Variants in GSAP observed in about 807,000 individuals in gnomAD.
GSAP encodes gamma-secretase-activating protein.
Under a neutral mutation model 131.7 loss-of-function variants are expected in GSAP, and 118 were observed. The ratio of observed to expected loss-of-function variants is 0.90; its 90% CI spans 0.77 to 1.04. GSAP has a LOEUF of 1.04. GSAP is among the 50% of genes least tolerant of loss of function. GSAP has a pLI of 0.00. For synonymous variants in GSAP, 381 were observed against 363.4 expected, an observed-to-expected ratio of 1.05 and a Z score of -0.55; for missense variants, 1,019 against 1,013.2, an observed-to-expected ratio of 1.01 and a Z score of -0.08.
At chr7:77,322,462 T>C (rs73703327) in intron 24 of GSAP, among the ~76,000 whole-genome samples, 15,414 of 152,138 alleles carry the variant, frequency 0.1, 871 homozygotes, top group African/African-American at 0.15. Context: ...ACTTATGTTA[T>C]TAACAATGGA....
chr7:77,375,771 G>C (rs999068709), intron 10 of GSAP, among the ~76,000 whole-genome samples: 6 of 151,558 alleles, frequency 4.0e-5, no homozygotes, highest in African/African-American at 1.5e-4. Context: ...TTGAATCCAG[G>C]AGGCAGAGGT....
intron 5 of GSAP, among the ~76,000 whole-genome samples, chr7:77,391,509 G>A (rs1799535301): frequency 6.6e-6 from 1 of 152,080 alleles, no homozygotes; most frequent in Non-Finnish European, 1.5e-5. Flanking sequence ...GCTTTCCTAG[G>A]CCTCAATGCC....
At chr7:77,336,457 G>T (rs570948165) in intron 19 of GSAP, among the ~76,000 whole-genome samples, 4 of 151,948 alleles carry the variant, frequency 2.6e-5, no homozygotes, top group Non-Finnish European at 5.9e-5. Context: ...GAAACAACAG[G>T]AATGATATCA....
chr7:77,409,969 G>A (rs1396171626), intron 1 of GSAP, among the ~76,000 whole-genome samples: 6 of 152,136 alleles, frequency 3.9e-5, no homozygotes, highest in African/African-American at 1.4e-4. Flanking sequence ...GCCATACCCA[G>A]GATATTCTGA....
In GSAP at chr7:77,416,200, G is replaced by A. The variant is rs878915052; in HGVS notation, c.109+13C>T. ...CCCCGCCCCCACCCCTCTCCGCAGCGCGCCTCCCGCACCTGCGCCGCCGCT... is the reference window on the plus strand; with the variant it reads ...CCCCGCCCCCACCCCTCTCCGCAGCACGCCTCCCGCACCTGCGCCGCCGCT... On this transcript the variant is annotated intron_variant, in intron 1 of 30. Coordinates refer to ENST00000257626, the MANE Select transcript of GSAP (RefSeq NM_017439.4). 7 of 1,077,482 alleles carry A rather than the reference G, an allele frequency of 6.5e-6. No individual in the cohort carries two copies. Among genetic ancestry groups the A allele is most frequent in the African/African-American group, 3.4e-5 (2 of 57,990 alleles). 66.7% of individuals were successfully genotyped at this position (1,077,482 alleles called of 1,614,324 possible).
At chr7:77,402,539 G>A (rs192948910) in intron 3 of GSAP, among the ~76,000 whole-genome samples, 5 of 131,744 alleles carry the variant, frequency 3.8e-5, no homozygotes, top group Admixed American at 1.8e-4. Flanking sequence ...AGGTTGCAGT[G>A]AGCTGAGATG....
At chr7:77,404,765 G>T in intron 2 of GSAP, 150 bp from the exon 3 acceptor site, 1 of 621,278 alleles carries the variant, frequency 1.6e-6, no homozygotes, top group Non-Finnish European at 2.9e-6. Context: ...ACTGAATCCA[G>T]TTCAGCTAGT....
At chr7:77,328,689 T>C in intron 21 of GSAP, 52 bp from the exon 22 acceptor site, 1 of 1,087,594 alleles carries the variant, frequency 9.2e-7, no homozygotes, top group Non-Finnish European at 1.4e-6. Context: ...TTTAAAAAAT[T>C]TAAAGCCACA....
chr7:77,368,669 AG>A (rs1795676582), intron 12 of GSAP, among the ~76,000 whole-genome samples: 1 of 152,228 alleles, frequency 6.6e-6, no homozygotes. Flanking sequence ...TGGCTTACTA[AG>A]TCTATTGCCT....
At position 77,311,093 on chromosome 7, in the gene GSAP, T is replaced by C. The variant is rs1748145156; in HGVS notation, c.*265A>G. 1 of 339,012 alleles carries C rather than the reference T, an allele frequency of 2.9e-6. No individual in the cohort carries two copies. The highest frequency in any genetic ancestry group is 2.1e-5 in the African/African-American group (1 of 48,072). 21.0% of individuals were successfully genotyped at this position (339,012 alleles called of 1,614,324 possible). A position where few individuals can be genotyped will look rare whatever the true frequency, so the allele number is the denominator to read the frequency against. On this transcript the variant is annotated 3_prime_UTR_variant, in exon 31 of 31. Transcript: ENST00000257626. ...ACTAGCTTGTGGCCTATTAAGCTAC[T>C]AGGAAGAGCATCGTTTATGCCACTG...
chr7:77,405,969 T>G (rs1802193793), intron 2 of GSAP, 60 bp downstream of exon 2: 1 of 623,364 alleles, frequency 1.6e-6, no homozygotes, highest in Admixed American at 4.9e-5. Flanking sequence ...AAAGAGAATA[T>G]AAATGATTAA....
At chr7:77,357,417 G>C (rs1793914686) in intron 14 of GSAP, among the ~76,000 whole-genome samples, 2 of 152,236 alleles carry the variant, frequency 1.3e-5, no homozygotes, top group South Asian at 4.2e-4. Flanking sequence ...GACACAGGTA[G>C]GCACAAAAGT....
chr7:77,400,495 G>A lies in GSAP; in HGVS notation c.244-3080C>T, dbSNP rs370454623. ...TCCCACCTCTGTCTAGCCATAACAA[G>A]ACACTTCTCTCCACTGGGGTGTCCA... On this transcript the variant is annotated intron_variant, in intron 3 of 30. Transcript: ENST00000257626. Among the ~76,000 whole-genome samples the A allele has an allele frequency of 3.9e-3, 598 of 152,264 alleles. 6 individuals carry two copies. The highest frequency in any genetic ancestry group is 7.4e-3 in the African/African-American group (306 of 41,538).
chr7:77,311,417 C>G lies in GSAP; in HGVS notation c.2506G>C (p.Asp836His). 6.2e-7 allele frequency: 1 copy of G among 1,611,818 alleles called. No individual in the cohort carries two copies. The highest frequency in any genetic ancestry group is 8.5e-7 in the Non-Finnish European group (1 of 1,178,082). ...LYPFEGHDNV[D>H]AEFVEEAALK... is the part of the protein sequence containing the mutation. ...GCTGCTTCCTCTACAAATTCTGCAT[C>G]CACATTGTCATGTCCTTCAAAAGGA... Residue 836 changes from aspartate (D) to histidine (H), a missense_variant, in exon 31 of 31, where the codon GAT (aspartate) becomes CAT (histidine). Physicochemically the swap from Asp to His is moderately conservative, Grantham distance 81. Transcript: ENST00000257626.
In GSAP at chr7:77,311,919, T is replaced by C; in HGVS notation, c.2395A>G (p.Lys799Glu). 1.3e-6 allele frequency: 2 copies of C among 1,597,426 alleles called. No homozygotes were observed. The highest frequency in any genetic ancestry group is 1.3e-5 in the African/African-American group (1 of 74,698). ...AGAAATTCTACACTGAACGATGACT[T>C]GTTAATCATAGAATTCCGAGGCTAA... is the stretch of plus-strand genomic sequence containing the variant. ...KKQPRNSMIN[K>E]SSFSVEFLPL... The change falls in exon 30 of 31, where the codon AAG (lysine) becomes GAG (glutamate). Residue 799 changes from lysine to glutamate, a missense_variant. Lys to Glu is a moderately conservative substitution (Grantham distance 56). Coordinates refer to ENST00000257626, the MANE Select transcript of GSAP (RefSeq NM_017439.4).
intron 19 of GSAP, among the ~76,000 whole-genome samples, chr7:77,340,981 A>G (rs540642371): frequency 2.0e-5 from 3 of 151,314 alleles, no homozygotes; most frequent in African/African-American, 7.3e-5. Flanking sequence ...AAAACTTAAA[A>G]CCTCTTCACC....
chr7:77,384,578 G>A (rs573499427), intron 6 of GSAP, among the ~76,000 whole-genome samples: 15 of 152,050 alleles, frequency 9.9e-5, no homozygotes, highest in Non-Finnish European at 7.4e-5. Flanking sequence ...CTGTAGTCTC[G>A]GTGTGTAGAG....
chr7:77,413,259 C>T (rs188433427), intron 1 of GSAP, among the ~76,000 whole-genome samples: 1 of 152,312 alleles, frequency 6.6e-6, no homozygotes, highest in East Asian at 1.9e-4. Flanking sequence ...GAGGAAGCTT[C>T]GGAACTGAAA....
chr7:77,360,050 C>T (rs1794306442), intron 14 of GSAP, among the ~76,000 whole-genome samples: 1 of 152,182 alleles, frequency 6.6e-6, no homozygotes. Flanking sequence ...AATAACTTTG[C>T]TCAGTTTCCT....
Sources: gnomAD v4.1 joint callset for allele counts (sites outside exome capture counted in the v4.1 genomes callset) on GRCh38, gnomAD v4.1.1 for gene constraint, MANE v1.5 for transcripts, NCBI Gene and HGNC (gene_info 2026-07-23, HGNC 2026-07-21) for gene names.